NETO1: variants seen among roughly 807,000 people sequenced by gnomAD.
NETO1 encodes the protein neuropilin and tolloid-like protein 1.
A neutral mutation model predicts 61.3 loss-of-function variants in NETO1; 26 were observed. That is an observed-to-expected ratio of 0.42 (90% CI 0.31 to 0.59). The LOEUF (loss-of-function observed/expected upper bound fraction) is 0.59. Ranked by LOEUF, NETO1 falls within the 20% of genes least tolerant of loss-of-function variation. The pLI is 0.12. For missense variants in NETO1, 531 were observed against 662.8 expected (o/e 0.80, Z 2.18); for synonymous variants, 225 against 225.8 (o/e 1.00, Z 0.03).
intron 7 of NETO1, among the ~76,000 whole-genome samples, chr18:72,757,942 T>C: frequency 6.6e-6 from 1 of 152,186 alleles, no homozygotes; most frequent in East Asian, 1.9e-4. Flanking sequence ...TAACAAATTG[T>C]AGTATACGTT....
At chr18:72,769,597 GA>G (rs1006722388) in intron 7 of NETO1, among the ~76,000 whole-genome samples, 7 of 152,072 alleles carry the variant, frequency 4.6e-5, no homozygotes, top group Admixed American at 3.9e-4. Flanking sequence ...AGAAAAATTA[GA>G]AAATACAGGC....
intron 4 of NETO1, among the ~76,000 whole-genome samples, chr18:72,842,071 C>G (rs74258382): frequency 6.2e-3 from 2 of 324 alleles, no homozygotes; most frequent in African/African-American, 0.018. Flanking sequence ...AGGGAAGATA[C>G]TGCACTGTAT....
intron 4 of NETO1, among the ~76,000 whole-genome samples, chr18:72,851,765 A>G (rs2074257885): frequency 6.6e-6 from 1 of 152,340 alleles, no homozygotes; most frequent in South Asian, 2.1e-4. Context: ...CGGGTGATAT[A>G]TATAGTATTA....
chr18:72,802,525 C>T (rs189000224), intron 4 of NETO1, among the ~76,000 whole-genome samples: 2 of 152,326 alleles, frequency 1.3e-5, no homozygotes, highest in East Asian at 1.9e-4. Context: ...TGCTTGAATT[C>T]GCTGAATGTC....
At chr18:72,751,342 T>C (rs1394576303) in intron 8 of NETO1, among the ~76,000 whole-genome samples, 1 of 152,184 alleles carries the variant, frequency 6.6e-6, no homozygotes, top group Non-Finnish European at 1.5e-5. Context: ...TCTGTGGCAT[T>C]TGAGCCATGA....
intron 7 of NETO1, among the ~76,000 whole-genome samples, chr18:72,772,134 G>A (rs950562603): frequency 6.6e-6 from 1 of 152,044 alleles, no homozygotes; most frequent in African/African-American, 2.4e-5. Context: ...TCTAAAGATT[G>A]CTCAAAATTC....
chr18:72,768,234 T>G (rs1385876697), intron 7 of NETO1, among the ~76,000 whole-genome samples: 5 of 152,146 alleles, frequency 3.3e-5, no homozygotes, highest in East Asian at 1.9e-4. Context: ...TAGGACAGAT[T>G]AACTTTTTTA....
intron 4 of NETO1, among the ~76,000 whole-genome samples, chr18:72,796,168 C>T (rs1214730149): frequency 6.6e-6 from 1 of 152,172 alleles, no homozygotes; most frequent in Non-Finnish European, 1.5e-5. Context: ...ATTAAGACTA[C>T]GTGTGCTAAT....
At chr18:72,811,370 T>A (rs1376975462) in intron 4 of NETO1, among the ~76,000 whole-genome samples, 1 of 152,246 alleles carries the variant, frequency 6.6e-6, no homozygotes, top group Non-Finnish European at 1.5e-5. Context: ...ACTCTCCAGC[T>A]TCCATATTCC....
At chr18:72,772,795 C>A (rs1177200498) in intron 7 of NETO1, among the ~76,000 whole-genome samples, 396 of 27,266 alleles carry the variant, frequency 0.015, 27 homozygotes, top group African/African-American at 0.023. Flanking sequence ...CTATATAGTT[C>A]TCTCTCTCTC....
rs2070399511 is a variant in NETO1, at chr18:72,744,960, G to A, written c.*3219C>T. 6.6e-6 allele frequency: 1 copy of A among 152,136 alleles called. No homozygotes were observed. The highest frequency in any genetic ancestry group is 1.5e-5 in the Non-Finnish European group (1 of 68,020). 9.4% of individuals were successfully genotyped at this position (152,136 alleles called of 1,614,324 possible). On this transcript the variant is annotated 3_prime_UTR_variant, in exon 11 of 11. Coordinates refer to ENST00000327305, the MANE Select transcript of NETO1 (RefSeq NM_138966.5). ...AAATACAGAAAAAAATGATACAGAAGCTTAAGTGAATATTAAAGTAATGCC... is the reference window on the plus strand; with the variant it reads ...AAATACAGAAAAAAATGATACAGAAACTTAAGTGAATATTAAAGTAATGCC...
chr18:72,766,565 C>G (rs1373723589), intron 7 of NETO1, among the ~76,000 whole-genome samples: 1 of 152,072 alleles, frequency 6.6e-6, no homozygotes, highest in Admixed American at 6.5e-5. Flanking sequence ...AAACTCTGTT[C>G]CAATATGACT....
At chr18:72,773,613 G>A (rs1286006715) in intron 7 of NETO1, among the ~76,000 whole-genome samples, 1 of 152,130 alleles carries the variant, frequency 6.6e-6, no homozygotes, top group Non-Finnish European at 1.5e-5. Context: ...ACGATAGTGA[G>A]TGAGTTCTCA....
intron 4 of NETO1, among the ~76,000 whole-genome samples, chr18:72,848,772 G>A (rs1337542278): frequency 6.6e-6 from 1 of 152,178 alleles, no homozygotes; most frequent in African/African-American, 2.4e-5. Context: ...CAGCTGAATA[G>A]TTACATAAGA....
chr18:72,851,414 C>CAAA (rs570774226), intron 4 of NETO1, among the ~76,000 whole-genome samples: 4 of 149,032 alleles, frequency 2.7e-5, no homozygotes, highest in African/African-American at 1.0e-4. Context: ...TCCCTCAAAA[C>CAAA]AAAAAAAGAA....
chr18:72,798,622 C>CA (rs2072398956), intron 4 of NETO1, among the ~76,000 whole-genome samples: 1 of 152,162 alleles, frequency 6.6e-6, no homozygotes, highest in Non-Finnish European at 1.5e-5. Context: ...TTACTTCCAT[C>CA]AATGCGTCTT....
chr18:72,774,623 ATTCT>A (rs2071483148), intron 7 of NETO1, among the ~76,000 whole-genome samples: 1 of 152,184 alleles, frequency 6.6e-6, no homozygotes, highest in African/African-American at 2.4e-5. Context: ...AATTGGATGA[ATTCT>A]TTATCGCAAA....
intron 8 of NETO1, among the ~76,000 whole-genome samples, chr18:72,753,655 T>C (rs2070696428): frequency 6.6e-6 from 1 of 152,212 alleles, no homozygotes; most frequent in South Asian, 2.1e-4. Flanking sequence ...ACAGTGAATA[T>C]GTAAATAATT....
chr18:72,807,715 AACACACACACAC>A (rs72126949), intron 4 of NETO1, among the ~76,000 whole-genome samples: 3 of 65,356 alleles, frequency 4.6e-5, no homozygotes, highest in South Asian at 8.2e-4. Context: ...TGAAGACAAG[AACACACACACAC>A]ACACACACAC....
Sources: allele counts gnomAD v4.1 joint callset (sites outside exome capture counted in the v4.1 genomes callset), GRCh38; gene constraint gnomAD v4.1.1; transcripts MANE v1.5; gene names NCBI Gene and HGNC (gene_info 2026-07-23, HGNC 2026-07-21).